The following KLF3 variants were observed in gnomAD, a reference collection of about 807,000 sequenced individuals.
KLF3 encodes Krueppel-like factor 3.
Under a neutral mutation model 32.7 loss-of-function variants are expected in KLF3, and 6 were observed. The observed-to-expected ratio is 0.18, with a 90% CI of 0.10 to 0.36. The LOEUF (loss-of-function observed/expected upper bound fraction) is 0.36, where lower values mean the gene tolerates loss of function less well. KLF3 is among the 10% of genes least tolerant of loss of function. KLF3 has a pLI of 1.00. For synonymous variants in KLF3, 145 were observed against 172.8 expected (o/e 0.84, Z 1.26); for missense variants, 338 against 449.7 (o/e 0.75, Z 2.25).
Position 38,688,463 on chromosome 4 carries a change from T to G in KLF3, c.58-122T>G. 1.0e-6 allele frequency: 1 copy of G among 998,716 alleles called. No homozygotes were observed. The highest frequency in any genetic ancestry group is 1.5e-6 in the Non-Finnish European group (1 of 681,090). 61.9% of individuals were successfully genotyped at this position (998,716 alleles called of 1,614,324 possible). A position where few individuals can be genotyped will look rare whatever the true frequency, so the allele number is the denominator to read the frequency against. ...TTAAGGTCACATATATATCGAAATC[T>G]AAACTATTTTGTAAAGCCCATGTAA... On this transcript the variant is annotated intron_variant, in intron 2 of 5. Transcript: ENST00000261438. The surrounding 1 kb of genome is among the most constrained non-coding windows in gnomAD (Gnocchi z 4.9).
chr4:38,686,288 A>T (rs1323779715), intron 2 of KLF3, among the ~76,000 whole-genome samples: 2 of 151,930 alleles, frequency 1.3e-5, no homozygotes, highest in Non-Finnish European at 2.9e-5. Flanking sequence ...CTACAAAAAA[A>T]TACAAAAATT....
rs895928025 is a variant in KLF3 at position 38,664,447 on chromosome 4, A to G, written c.-54A>G. The G allele has an allele frequency of 1.3e-5, 2 of 151,986 alleles. No homozygotes were observed. Among genetic ancestry groups the G allele is most frequent in the African/African-American group, 4.8e-5 (2 of 41,374 alleles). The allele number at this position is 151,986 out of a possible 1,614,324, so 9.4% of individuals were successfully genotyped here. ...TTATTTCTCGTCGGCGGCGCCCTGC[A>G]CCGCGCCTCGCAAAGTAAGTCCCGT... On this transcript the variant is annotated 5_prime_UTR_variant, in exon 1 of 6. Coordinates refer to ENST00000261438, the MANE Select transcript of KLF3 (RefSeq NM_016531.6).
At chr4:38,668,280 T>A (rs1270312290) in intron 1 of KLF3, among the ~76,000 whole-genome samples, 1 of 152,074 alleles carries the variant, frequency 6.6e-6, no homozygotes, top group Non-Finnish European at 1.5e-5. Context: ...AGGAAATATT[T>A]GCTTGAAAAA....
At position 38,671,460 on chromosome 4, in the gene KLF3, C is replaced by T. The variant is rs1195586033; in HGVS notation, c.-40+6999C>T. Among the ~76,000 whole-genome samples, 2 of 152,150 alleles carry T rather than the reference C, an allele frequency of 1.3e-5. No homozygotes were observed. The highest frequency in any genetic ancestry group is 2.9e-5 in the Non-Finnish European group (2 of 68,036). ...ACTGAGACAGGGTGGGCAGCAGGGGCCAGTTGGAAGGAGTGGAAACTGTCA... is the reference window on the plus strand; with the variant it reads ...ACTGAGACAGGGTGGGCAGCAGGGGTCAGTTGGAAGGAGTGGAAACTGTCA... On this transcript the variant is annotated intron_variant, in intron 1 of 5. Coordinates refer to ENST00000261438, the MANE Select transcript of KLF3 (RefSeq NM_016531.6). This position sits in a 1 kb window ranked among gnomAD's most constrained non-coding sequence, Gnocchi z 4.4.
In KLF3 at chr4:38,701,480, A is replaced by G. The variant is rs1275024713; in HGVS notation, c.*4217A>G. ...GGGAGTGGGGAACGAGGAACAGAAC[A>G]ATAACGCATTAAAGTAAATAACTCT... On this transcript the variant is annotated 3_prime_UTR_variant, in exon 6 of 6. Transcript: ENST00000261438. Among the ~76,000 whole-genome samples the G allele has an allele frequency of 6.6e-6, 1 of 152,252 alleles. No individual in the cohort carries two copies. The highest frequency in any genetic ancestry group is 1.5e-5 in the Non-Finnish European group (1 of 68,050).
chr4:38,688,821 T>C lies in KLF3; in HGVS notation c.294T>C (p.Pro98=). ...GAGCCTCGCCTGGGTTGAGCATGCC[T>C]TCTTCCAGCCCACCGATAAAAAAAT... ...HRRASPGLSM[P]SSSPPIKKYS... Residue 98 remains proline (P), a synonymous_variant, in exon 3 of 6, where the codon CCT becomes CCC. Coordinates refer to ENST00000261438, the MANE Select transcript of KLF3 (RefSeq NM_016531.6). The surrounding 1 kb of genome is among the most constrained non-coding windows in gnomAD (Gnocchi z 4.9). 6.2e-7 allele frequency: 1 copy of C among 1,614,196 alleles called. No individual in the cohort carries two copies. Among genetic ancestry groups the C allele is most frequent in the Non-Finnish European group, 8.5e-7 (1 of 1,180,038 alleles).
intron 4 of KLF3, chr4:38,690,212 G>T (rs1298012725): frequency 8.1e-6 from 2 of 247,978 alleles, no homozygotes; most frequent in African/African-American, 2.3e-5. Flanking sequence ...GAGAATCCTT[G>T]TATAGATTAA....
chr4:38,681,058 T>TAA, intron 2 of KLF3: 1 of 130,348 alleles, frequency 7.7e-6, no homozygotes. Context: ...AAAGTCCGTC[T>TAA]CAAAAAAAAA....
At position 38,699,367 on chromosome 4, in the gene KLF3, C is replaced by G. The variant is rs936442434; in HGVS notation, c.*2104C>G. The G allele has an allele frequency of 6.6e-6, 1 of 152,032 alleles. No individual in the cohort carries two copies. Among genetic ancestry groups the G allele is most frequent in the Non-Finnish European group, 1.5e-5 (1 of 68,024 alleles). The allele number at this position is 152,032 out of a possible 1,614,324, so 9.4% of individuals were successfully genotyped here. On this transcript the variant is annotated 3_prime_UTR_variant, in exon 6 of 6. Transcript: ENST00000261438. ...GTAGATATTGTCTGTATTGTAAATGCTTAGTCATATTCATGGCAAAGTGTT... is the reference window on the plus strand; with the variant it reads ...GTAGATATTGTCTGTATTGTAAATGGTTAGTCATATTCATGGCAAAGTGTT...
rs1723119123 is a variant in KLF3 at position 38,698,660 on chromosome 4, G to C, written c.*1397G>C. ...CACTATTTCAGTGTCAGAACAAACT[G>C]AAAATAATGGCTCGTGTTTATGTTG... On this transcript the variant is annotated 3_prime_UTR_variant, in exon 6 of 6. Coordinates refer to ENST00000261438, the MANE Select transcript of KLF3 (RefSeq NM_016531.6). 1 of 152,236 alleles carries C rather than the reference G, an allele frequency of 6.6e-6. No individual in the cohort carries two copies. The highest frequency in any genetic ancestry group is 2.4e-5 in the African/African-American group (1 of 41,442). The allele number at this position is 152,236 out of a possible 1,614,324, so 9.4% of individuals were successfully genotyped here.
rs771411538 is a variant in KLF3 at position 38,671,130 on chromosome 4, A to G, written c.-40+6669A>G. On this transcript the variant is annotated intron_variant, in intron 1 of 5. Transcript: ENST00000261438. This position sits in a 1 kb window ranked among gnomAD's most constrained non-coding sequence, Gnocchi z 4.4. ...CCCACAGCACAGGCTCTGAAGCAGA[A>G]CAGAAAGTGCCCGGGTCTGCAGGCA... Among the ~76,000 whole-genome samples, 23 of 152,216 alleles carry G rather than the reference A, an allele frequency of 1.5e-4. No homozygotes were observed. Among genetic ancestry groups the G allele is most frequent in the Non-Finnish European group, 2.9e-4 (20 of 68,024 alleles).
intron 2 of KLF3, among the ~76,000 whole-genome samples, chr4:38,685,177 C>T (rs142564980): frequency 6.6e-6 from 1 of 152,154 alleles, no homozygotes; most frequent in African/African-American, 2.4e-5. Flanking sequence ...CACACCCTGC[C>T]GTGTCAGTCC....
chr4:38,672,824 A>G (rs543113082), intron 1 of KLF3, among the ~76,000 whole-genome samples: 3 of 152,278 alleles, frequency 2.0e-5, no homozygotes, highest in East Asian at 1.9e-4. Flanking sequence ...AGCTGCAGCA[A>G]TGCAGGTGGG....
intron 2 of KLF3, among the ~76,000 whole-genome samples, chr4:38,682,259 A>G (rs977013656): frequency 2.6e-5 from 4 of 152,178 alleles, no homozygotes; most frequent in African/African-American, 9.7e-5. Context: ...AGGTTTCACC[A>G]TGTTGGCCAG....
chr4:38,675,048 G>C (rs1722303182), intron 1 of KLF3, among the ~76,000 whole-genome samples: 1 of 152,136 alleles, frequency 6.6e-6, no homozygotes, highest in Non-Finnish European at 1.5e-5. Context: ...CACTGGATAG[G>C]GCTCCAAAGC....
rs748721232 is a variant in KLF3 at position 38,688,911 on chromosome 4, A to G, written c.384A>G (p.Ala128=). 2.3e-5 allele frequency: 37 copies of G among 1,614,204 alleles called. No individual in the cohort carries two copies. In the Middle Eastern group the frequency reaches 4.9e-4, roughly 22 times the overall value. Residue 128 remains alanine (A), a synonymous_variant, in exon 3 of 6, where the codon GCA becomes GCG. Transcript: ENST00000261438. This position sits in a 1 kb window ranked among gnomAD's most constrained non-coding sequence, Gnocchi z 4.9. The stretch of plus-strand genomic sequence containing the variant: ...CGCTGTCCATGCCACCAGTGATGGC[A>G]GCTGCCCTCTCGCGGCATGGAATAC... The part of the protein sequence containing the change: ...GVPLSMPPVM[A]AALSRHGIRS...
intron 1 of KLF3, among the ~76,000 whole-genome samples, chr4:38,668,346 C>G (rs1470681242): frequency 8.0e-5 from 12 of 149,710 alleles, no homozygotes; most frequent in Non-Finnish European, 1.8e-4. Flanking sequence ...TTTTTTTAAT[C>G]AAAAGGAATC....
At chr4:38,677,470 G>A (rs1369727335) in intron 1 of KLF3, among the ~76,000 whole-genome samples, 1 of 152,216 alleles carries the variant, frequency 6.6e-6, no homozygotes, top group Non-Finnish European at 1.5e-5. Context: ...TGAAAGCTAT[G>A]TGAGCTAAAT....
At chr4:38,673,739 T>G (rs928251188) in intron 1 of KLF3, among the ~76,000 whole-genome samples, 2 of 152,050 alleles carry the variant, frequency 1.3e-5, no homozygotes, top group African/African-American at 4.8e-5. Context: ...TCTGCTTGGT[T>G]GTTACCTTTG....
Sources: allele counts gnomAD v4.1 joint callset (sites outside exome capture counted in the v4.1 genomes callset), GRCh38; gene constraint gnomAD v4.1.1; non-coding constraint Gnocchi (gnomAD v3.1); transcripts MANE v1.5; gene names NCBI Gene and HGNC (gene_info 2026-07-23, HGNC 2026-07-21).